The following COL25A1 variants were observed in gnomAD, a reference collection of about 807,000 sequenced individuals.
The protein encoded by COL25A1 is collagen alpha-1(XXV) chain.
A neutral mutation model predicts 128.4 loss-of-function variants in COL25A1; 103 were observed. The observed-to-expected ratio is 0.80, with a 90% CI of 0.68 to 0.94. The LOEUF (loss-of-function observed/expected upper bound fraction) is 0.94, where lower values mean the gene tolerates loss of function less well. Ranked by LOEUF, COL25A1 falls within the 40% of genes least tolerant of loss-of-function variation. COL25A1 has a pLI of 0.00. For synonymous variants in COL25A1, 279 were observed against 277.2 expected (o/e 1.01, Z -0.06); for missense variants, 745 against 840.0 (o/e 0.89, Z 1.40).
chr4:109,027,533 A>G (rs1758417294), intron 5 of COL25A1, among the ~76,000 whole-genome samples: 1 of 152,166 alleles, frequency 6.6e-6, no homozygotes, highest in South Asian at 2.1e-4. Flanking sequence ...GAGAAAGGAC[A>G]CAATCTGAAT....
rs1379209628 is a variant in COL25A1 at position 108,812,248 on chromosome 4, A to G, written c.*1679T>C. The stretch of plus-strand genomic sequence containing the variant: ...ATATTTCACAGCTTTCTGAGATCTT[A>G]GATTTGGTCTGTGGATATGAGGATG... On this transcript the variant is annotated 3_prime_UTR_variant, in exon 38 of 38. Transcript: ENST00000399132. 1.3e-5 allele frequency: 2 copies of G among 152,216 alleles called. No homozygotes were observed. The highest frequency in any genetic ancestry group is 6.5e-5 in the Admixed American group (1 of 15,268). The allele number at this position is 152,216 out of a possible 1,614,324, so 9.4% of individuals were successfully genotyped here.
Position 109,301,939 on chromosome 4 carries a change from A to G in COL25A1, c.81T>C (p.Cys27=), listed in dbSNP as rs760685448. The change falls in exon 2 of 38, where the codon TGT becomes TGC. Residue 27 remains cysteine, a synonymous_variant. Coordinates refer to ENST00000399132, the MANE Select transcript of COL25A1 (RefSeq NM_198721.4). ...CGGCACACGGGGGCATGGTCCGGGC[A>G]CAATGCTGTTCGGCAGGGGTCGGGT... ...SEDPTPAEQH[C]ARTMPPCAVL... The G allele has an allele frequency of 6.2e-6, 10 of 1,613,810 alleles. No individual in the cohort carries two copies. Among genetic ancestry groups the G allele is most frequent in the Middle Eastern group, 1.6e-4 (1 of 6,062 alleles).
At chr4:109,027,012 G>C (rs1383853291) in intron 5 of COL25A1, among the ~76,000 whole-genome samples, 1 of 152,234 alleles carries the variant, frequency 6.6e-6, no homozygotes, top group Non-Finnish European at 1.5e-5. Context: ...GGGCAGATGT[G>C]AGAGGAATAA....
At chr4:109,046,821 C>A (rs1031096490) in intron 5 of COL25A1, among the ~76,000 whole-genome samples, 1 of 152,146 alleles carries the variant, frequency 6.6e-6, no homozygotes, top group East Asian at 1.9e-4. Flanking sequence ...GTGGAGTCTG[C>A]GAACCTTGGA....
intron 5 of COL25A1, among the ~76,000 whole-genome samples, chr4:109,032,662 C>T (rs1432759798): frequency 6.6e-6 from 1 of 152,176 alleles, no homozygotes; most frequent in Non-Finnish European, 1.5e-5. Flanking sequence ...ATGTTATAAC[C>T]AAGAGTATCT....
At chr4:108,963,119 A>G (rs1438569499) in intron 8 of COL25A1, among the ~76,000 whole-genome samples, 1 of 152,222 alleles carries the variant, frequency 6.6e-6, no homozygotes, top group African/African-American at 2.4e-5. Flanking sequence ...TCATCTGTCA[A>G]TGCATAAGCC....
At chr4:108,831,973 T>C (rs1354357589) in intron 32 of COL25A1, among the ~76,000 whole-genome samples, 1 of 152,170 alleles carries the variant, frequency 6.6e-6, no homozygotes, top group African/African-American at 2.4e-5. Context: ...TTATTTCCTT[T>C]GGAAAAAAGT....
chr4:109,204,480 G>A (rs1332422998), intron 3 of COL25A1, among the ~76,000 whole-genome samples: 1 of 152,076 alleles, frequency 6.6e-6, no homozygotes, highest in Non-Finnish European at 1.5e-5. Context: ...ATTACAGCCA[G>A]AAAAGCAAAA....
intron 3 of COL25A1, among the ~76,000 whole-genome samples, chr4:109,276,664 G>A (rs1213818467): frequency 1.3e-5 from 2 of 152,116 alleles, no homozygotes; most frequent in African/African-American, 4.8e-5. Flanking sequence ...AGTAGTTTCA[G>A]GGTAATCAGT....
At chr4:109,041,163 C>A (rs1759854280) in intron 5 of COL25A1, among the ~76,000 whole-genome samples, 1 of 152,008 alleles carries the variant, frequency 6.6e-6, no homozygotes, top group Non-Finnish European at 1.5e-5. Flanking sequence ...TAGATCTAAG[C>A]CACTCCATGG....
chr4:108,866,688 AG>A (rs1460928516), intron 20 of COL25A1, among the ~76,000 whole-genome samples: 3 of 152,234 alleles, frequency 2.0e-5, no homozygotes, highest in Non-Finnish European at 2.9e-5. Flanking sequence ...TGTCTACACA[AG>A]TGGAAGAATG....
chr4:108,906,258 T>G (rs1344259913), intron 13 of COL25A1, among the ~76,000 whole-genome samples: 1 of 151,518 alleles, frequency 6.6e-6, no homozygotes, highest in Admixed American at 6.6e-5. Flanking sequence ...CCCACCTTGC[T>G]CCAGTGTGGA....
intron 3 of COL25A1, among the ~76,000 whole-genome samples, chr4:109,289,894 T>C (rs1409050684): frequency 6.6e-5 from 10 of 152,092 alleles, no homozygotes; most frequent in Non-Finnish European, 1.5e-5. Flanking sequence ...CTTGGTTTTT[T>C]AGGAATCCAA....
chr4:109,072,574 G>T (rs144251867), intron 3 of COL25A1, among the ~76,000 whole-genome samples: 21 of 152,230 alleles, frequency 1.4e-4, no homozygotes, highest in African/African-American at 5.1e-4. Flanking sequence ...ATCAATATGG[G>T]TCCCCCAAAT....
rs775224981 is a variant in COL25A1 at position 108,940,550 on chromosome 4, G to C, written c.661C>G (p.Pro221Ala). 1 of 1,613,696 alleles carries C rather than the reference G, an allele frequency of 6.2e-7. No individual in the cohort carries two copies. ...AAAAAGCGACTCACGGGTACTCCTG[G>C]CATTCCACGGGGGCCATCTTTCCCT... is the stretch of plus-strand genomic sequence containing the variant. The part of the protein sequence containing the change: ...DTGKDGPRGM[P>A]GVPGEPGKPG... The change falls in exon 10 of 38, where the codon CCA becomes GCA. Residue 221 changes from proline (P) to alanine (A), a missense_variant. By Grantham distance (27) the Pro-to-Ala change is conservative (BLOSUM62 -1). This residue lies in a region of COL25A1 where 319 missense variants were observed against 324.9 expected (regional missense o/e 0.98). Transcript: ENST00000399132.
intron 8 of COL25A1, among the ~76,000 whole-genome samples, chr4:108,966,553 A>G (rs1751316701): frequency 6.6e-6 from 1 of 152,162 alleles, no homozygotes; most frequent in Non-Finnish European, 1.5e-5. Flanking sequence ...AAAATAAAAA[A>G]TCATAATAAA....
intron 3 of COL25A1, among the ~76,000 whole-genome samples, chr4:109,267,900 GA>G (rs531378860): frequency 5.2e-4 from 79 of 152,258 alleles, no homozygotes; most frequent in African/African-American, 1.9e-3. Context: ...GACTTCATCT[GA>G]CGTTTGGATC....
intron 3 of COL25A1, among the ~76,000 whole-genome samples, chr4:109,188,283 G>A (rs1465968719): frequency 2.0e-5 from 3 of 152,134 alleles, no homozygotes; most frequent in Non-Finnish European, 2.9e-5. Flanking sequence ...CTCCTTCCAA[G>A]GAGACTGAGC....
At chr4:109,001,374 G>GGCATCTGAGATCCTGTCAGGTAA (rs1755361057) in intron 6 of COL25A1, among the ~76,000 whole-genome samples, 2 of 152,190 alleles carry the variant, frequency 1.3e-5, no homozygotes, top group African/African-American at 2.4e-5. Context: ...AAAAGAAACA[G>GGCATCTGAGATCCTGTCAGGTAA]GCATCTGAGA....
Sources: allele counts gnomAD v4.1 joint callset (sites outside exome capture counted in the v4.1 genomes callset), GRCh38; gene constraint gnomAD v4.1.1; regional missense constraint gnomAD v4.1.1; transcripts MANE v1.5; gene names NCBI Gene and HGNC (gene_info 2026-07-23, HGNC 2026-07-21).